Variants in MBNL1 observed in about 807,000 individuals in gnomAD.
MBNL1 encodes muscleblind-like protein 1.
MBNL1 carries 8 observed loss-of-function variants against 42.2 expected under a neutral mutation model. That is an observed-to-expected ratio of 0.19 (90% confidence interval 0.11 to 0.34). The LOEUF (loss-of-function observed/expected upper bound fraction) is 0.34. Among genes scored for constraint, MBNL1 ranks in the 10% least tolerant of loss-of-function variants. The pLI is 1.00. For synonymous variants in MBNL1, 169 were observed against 173.9 expected (o/e 0.97, Z 0.22); for missense variants, 309 against 495.3 (o/e 0.62, Z 3.57).
intron 2 of MBNL1, among the ~76,000 whole-genome samples, chr3:152,346,996 T>C (rs1218356854): frequency 6.6e-6 from 1 of 151,666 alleles, no homozygotes; most frequent in Non-Finnish European, 1.5e-5. Context: ...CTGGGCAACA[T>C]AGTAAGACCC....
rs1177960199 is a variant in MBNL1 at position 152,452,902 on chromosome 3, A to T, written c.962-2640A>T. Among the ~76,000 whole-genome samples the T allele has an allele frequency of 4.6e-5, 7 of 152,318 alleles. No individual in the cohort carries two copies. The East Asian group carries it at 1.3e-3, about 29-fold the overall frequency. On this transcript the variant is annotated intron_variant, in intron 6 of 9. Transcript: ENST00000324210. ...CAACTCTACCAAGAATAAGGCAACG[A>T]AAGGCCAGGAAACTCTTAGGTGGTG...
At chr3:152,423,235 A>G (rs2153699453) in intron 3 of MBNL1, among the ~76,000 whole-genome samples, 1 of 152,314 alleles carries the variant, frequency 6.6e-6, no homozygotes, top group South Asian at 2.1e-4. Flanking sequence ...CACAATATAA[A>G]TGACAAAGGG....
Position 152,464,416 on chromosome 3 carries a change from T to G in MBNL1, c.*2050T>G, listed in dbSNP as rs1325704624. 1 of 152,558 alleles carries G rather than the reference T, an allele frequency of 6.6e-6. No individual in the cohort carries two copies. The highest frequency in any genetic ancestry group is 1.5e-5 in the Non-Finnish European group (1 of 67,980). The allele number at this position is 152,558 out of a possible 1,614,324, so 9.5% of individuals were successfully genotyped here. On this transcript the variant is annotated 3_prime_UTR_variant, in exon 10 of 10. Transcript: ENST00000324210. ...ATTAAAAGAACAAAGATCTTTTATA[T>G]GGATATCTTATAAATATATAATCAT...
At chr3:152,460,403 T>A (rs573095608) in intron 9 of MBNL1, among the ~76,000 whole-genome samples, 2 of 148,308 alleles carry the variant, frequency 1.3e-5, no homozygotes, top group African/African-American at 5.0e-5. Context: ...AATGTTGCCA[T>A]TGCCACATTT....
chr3:152,387,277 A>G (rs544425324), intron 2 of MBNL1, among the ~76,000 whole-genome samples: 48 of 138,218 alleles, frequency 3.5e-4, no homozygotes, highest in Non-Finnish European at 7.1e-4. Flanking sequence ...CTATTTTTAT[A>G]TCACTGCGGT....
chr3:152,438,426 A>C (rs1580483754), intron 4 of MBNL1, among the ~76,000 whole-genome samples: 3 of 152,352 alleles, frequency 2.0e-5, no homozygotes, highest in Admixed American at 2.0e-4. Flanking sequence ...TTCAGGACTC[A>C]GGGTAATCCC....
At chr3:152,340,214 C>G (rs2092770978) in intron 2 of MBNL1, 1 of 249,342 alleles carries the variant, frequency 4.0e-6, no homozygotes, top group South Asian at 8.1e-5. Flanking sequence ...CCTAGTTACT[C>G]AGGAGACTGA....
intron 3 of MBNL1, among the ~76,000 whole-genome samples, chr3:152,418,839 C>T (rs1041464497): frequency 6.6e-6 from 1 of 151,498 alleles, no homozygotes; most frequent in African/African-American, 2.4e-5. Flanking sequence ...GCCTCAGCCT[C>T]CTGAGTACCT....
intron 2 of MBNL1, among the ~76,000 whole-genome samples, chr3:152,368,419 T>C (rs992532759): frequency 5.3e-5 from 8 of 152,226 alleles, no homozygotes; most frequent in Non-Finnish European, 1.0e-4. Context: ...TGTAGCCTTG[T>C]AGTACAGTTT....
intron 2 of MBNL1, among the ~76,000 whole-genome samples, chr3:152,246,040 C>T (rs1008964537): frequency 1.3e-5 from 2 of 152,058 alleles, no homozygotes; most frequent in African/African-American, 2.4e-5. Flanking sequence ...GCTGTGATTG[C>T]ACCACTACAC....
chr3:152,368,172 T>G (rs1163352370), intron 2 of MBNL1, among the ~76,000 whole-genome samples: 11 of 152,200 alleles, frequency 7.2e-5, no homozygotes, highest in Non-Finnish European at 1.5e-4. Flanking sequence ...TAATCCATCT[T>G]GAGTTGATTT....
intron 2 of MBNL1, among the ~76,000 whole-genome samples, chr3:152,374,075 T>C (rs1249156249): frequency 6.6e-6 from 1 of 152,182 alleles, no homozygotes; most frequent in African/African-American, 2.4e-5. Flanking sequence ...TAAAGGCTGT[T>C]TTAAAAATGA....
chr3:152,268,124 T>C (rs1310159634), upstream of MBNL1: 1 of 152,396 alleles, frequency 6.6e-6, no homozygotes. Context: ...TGCCGTGGAA[T>C]ATCCCGGTAT....
chr3:152,301,986 A>C (rs1051388709), intron 2 of MBNL1: 4 of 152,254 alleles, frequency 2.6e-5, no homozygotes, highest in Non-Finnish European at 5.9e-5. Context: ...TTGAGTGGTT[A>C]CACAGAAGAC....
intron 2 of MBNL1, among the ~76,000 whole-genome samples, chr3:152,364,529 A>C (rs1191806547): frequency 1.3e-5 from 2 of 152,106 alleles, no homozygotes; most frequent in African/African-American, 2.4e-5. Context: ...CAGGTGATAT[A>C]TTAATCAGAT....
chr3:152,301,015 T>C (rs2060515072), intron 2 of MBNL1: 1 of 580,218 alleles, frequency 1.7e-6, no homozygotes, highest in African/African-American at 2.0e-5. Flanking sequence ...GTACTATTGT[T>C]TATTGGATTT....
intron 2 of MBNL1, among the ~76,000 whole-genome samples, chr3:152,248,915 A>G (rs2033850291): frequency 1.3e-5 from 2 of 151,798 alleles, no homozygotes; most frequent in African/African-American, 4.8e-5. Flanking sequence ...ATGATTTCCA[A>G]TTTCATCCAT....
chr3:152,347,846 T>C (rs1214666483), intron 2 of MBNL1, among the ~76,000 whole-genome samples: 1 of 152,164 alleles, frequency 6.6e-6, no homozygotes, highest in African/African-American at 2.4e-5. Flanking sequence ...TGAAAAGCAA[T>C]ATAAATGCAT....
intron 4 of MBNL1, among the ~76,000 whole-genome samples, chr3:152,440,597 G>A (rs1215753090): frequency 6.6e-6 from 1 of 152,180 alleles, no homozygotes; most frequent in Admixed American, 6.5e-5. Flanking sequence ...TGAGGTTTGG[G>A]TGGGGACACA....
Sources: gnomAD v4.1 joint callset for allele counts (sites outside exome capture counted in the v4.1 genomes callset) on GRCh38, gnomAD v4.1.1 for gene constraint, MANE v1.5 for transcripts, NCBI Gene and HGNC (gene_info 2026-07-23, HGNC 2026-07-21) for gene names.